The following FARS2 variants were observed in gnomAD, a reference collection of about 807,000 sequenced individuals.
FARS2 encodes the protein phenylalanine--tRNA ligase, mitochondrial.
FARS2 carries 40 observed loss-of-function variants against 46.4 expected under a neutral mutation model. The ratio of observed to expected loss-of-function variants is 0.86; its 90% CI spans 0.67 to 1.12. The LOEUF (loss-of-function observed/expected upper bound fraction) is 1.12, where lower values mean the gene tolerates loss of function less well. Ranked by LOEUF, FARS2 falls within the 50% of genes most tolerant of loss-of-function variation. The probability of loss-of-function intolerance (pLI) is 0.00; values close to 1 mark genes in which losing one functional copy is unlikely to be tolerated. For synonymous variants in FARS2, 234 were observed against 214.9 expected, an observed-to-expected ratio of 1.09 and a Z score of -0.78; for missense variants, 513 against 567.9, an observed-to-expected ratio of 0.90 and a Z score of 0.98.
At chr6:5,260,617 C>T (rs1765012849), upstream of FARS2, 1 of 1,491,592 alleles carries the variant, frequency 6.7e-7, no homozygotes, top group Non-Finnish European at 8.9e-7. Context: ...CCTGGCCCCC[C>T]GCCCCCGGCC....
chr6:5,493,463 G>C (rs571881871), intron 4 of FARS2, among the ~76,000 whole-genome samples: 1 of 152,162 alleles, frequency 6.6e-6, no homozygotes, highest in African/African-American at 2.4e-5. Flanking sequence ...AATGTCTTTT[G>C]ATGTGTGGCT....
At chr6:5,308,107 G>A (rs1196758937) in intron 1 of FARS2, among the ~76,000 whole-genome samples, 1 of 148,932 alleles carries the variant, frequency 6.7e-6, no homozygotes, top group African/African-American at 2.6e-5. Flanking sequence ...AAAATGGCTT[G>A]CTACAAAATT....
At chr6:5,308,933 G>A (rs949942338) in intron 1 of FARS2, among the ~76,000 whole-genome samples, 1 of 152,094 alleles carries the variant, frequency 6.6e-6, no homozygotes, top group Non-Finnish European at 1.5e-5. Context: ...TTATAGAAGA[G>A]GCAAGGGATC....
At chr6:5,538,175 T>A (rs1770341237) in intron 4 of FARS2, among the ~76,000 whole-genome samples, 2 of 151,450 alleles carry the variant, frequency 1.3e-5, no homozygotes, top group Admixed American at 6.6e-5. Context: ...AATACTGCCT[T>A]AAAACCCTGT....
chr6:5,267,775 CA>C (rs1470622893), intron 1 of FARS2, among the ~76,000 whole-genome samples: 15 of 151,358 alleles, frequency 9.9e-5, no homozygotes, highest in African/African-American at 3.7e-4. Context: ...AAAAAATCGC[CA>C]CACTGTCTTC....
At chr6:5,423,769 T>G (rs1762693964) in intron 3 of FARS2, among the ~76,000 whole-genome samples, 1 of 152,080 alleles carries the variant, frequency 6.6e-6, no homozygotes, top group African/African-American at 2.4e-5. Context: ...CCAGGGTACA[T>G]GGTTGTGTGG....
intron 6 of FARS2, among the ~76,000 whole-genome samples, chr6:5,644,532 T>C (rs1256617262): frequency 6.6e-6 from 1 of 152,102 alleles, no homozygotes; most frequent in African/African-American, 2.4e-5. Flanking sequence ...CTTTTAACCC[T>C]TGTTTTCAGA....
chr6:5,456,572 A>C (rs1764881320), intron 4 of FARS2, among the ~76,000 whole-genome samples: 1 of 151,784 alleles, frequency 6.6e-6, no homozygotes. Flanking sequence ...CCTCTACTAA[A>C]AGCACAAAAA....
intron 4 of FARS2, among the ~76,000 whole-genome samples, chr6:5,439,773 A>C (rs1477397462): frequency 1.3e-5 from 2 of 152,192 alleles, no homozygotes; most frequent in African/African-American, 4.8e-5. Context: ...TACATTTTTG[A>C]GGCCAGTTAG....
intron 2 of FARS2, among the ~76,000 whole-genome samples, chr6:5,381,398 CACACACAT>C (rs1416532293): frequency 0.036 from 4,849 of 133,186 alleles, 284 homozygotes; most frequent in African/African-American, 0.13. Context: ...CACACACACA[CACACACAT>C]ACACACACAC....
At chr6:5,326,811 A>AT (rs149288618) in intron 1 of FARS2, among the ~76,000 whole-genome samples, 3,573 of 151,746 alleles carry the variant, frequency 0.024, 147 homozygotes, top group African/African-American at 0.082. Context: ...TGTGCTGTGG[A>AT]TTTTTTTTTC....
chr6:5,545,133 CA>C lies in FARS2; in HGVS notation c.905-45del, dbSNP rs1463601782. The C allele has an allele frequency of 3.8e-6, 6 of 1,589,110 alleles. No individual in the cohort carries two copies. In the East Asian group the frequency reaches 1.3e-4, roughly 36 times the overall value. On this transcript the variant is annotated intron_variant, in intron 4 of 6. Transcript: ENST00000274680. Reference sequence around the variant, plus strand: ...TGTCAGGGAGTGGTATGAACCTATCCAATCTCGATACTTTTTAAAAACAACT... The same window carrying C: ...TGTCAGGGAGTGGTATGAACCTATCCATCTCGATACTTTTTAAAAACAACT...
chr6:5,434,852 A>T (rs1763431429), intron 4 of FARS2, among the ~76,000 whole-genome samples: 1 of 152,160 alleles, frequency 6.6e-6, no homozygotes, highest in Non-Finnish European at 1.5e-5. Context: ...AATATAATTG[A>T]TGACTCCCCT....
At chr6:5,579,120 G>T in intron 5 of FARS2, among the ~76,000 whole-genome samples, 1 of 152,310 alleles carries the variant, frequency 6.6e-6, no homozygotes, top group East Asian at 1.9e-4. Flanking sequence ...ATGTATTTAA[G>T]TGAGTATATT....
chr6:5,391,835 T>C (rs191808900), intron 2 of FARS2, among the ~76,000 whole-genome samples: 1 of 152,332 alleles, frequency 6.6e-6, no homozygotes, highest in Admixed American at 6.5e-5. Context: ...ACTTTTATTC[T>C]TAAATCTGAT....
At chr6:5,701,888 T>G (rs1170125128) in intron 6 of FARS2, among the ~76,000 whole-genome samples, 1 of 152,262 alleles carries the variant, frequency 6.6e-6, no homozygotes, top group Non-Finnish European at 1.5e-5. Context: ...ATTACTCATT[T>G]TTATTAACAT....
intron 4 of FARS2, among the ~76,000 whole-genome samples, chr6:5,453,433 C>CT (rs1349490182): frequency 6.6e-6 from 1 of 152,116 alleles, no homozygotes; most frequent in African/African-American, 2.4e-5. Flanking sequence ...CGTGCTCATC[C>CT]TTTTTCAGAG....
intron 5 of FARS2, among the ~76,000 whole-genome samples, chr6:5,560,299 A>T (rs545107430): frequency 6.6e-6 from 1 of 152,214 alleles, no homozygotes; most frequent in East Asian, 1.9e-4. Flanking sequence ...AAATTTATTA[A>T]ATCTGTCTAT....
chr6:5,268,866 T>A (rs1181828423), intron 1 of FARS2, among the ~76,000 whole-genome samples: 1 of 152,222 alleles, frequency 6.6e-6, no homozygotes, highest in African/African-American at 2.4e-5. Context: ...GTTTGTGTCC[T>A]CTTTTATTTC....
Sources: gnomAD v4.1 joint callset for allele counts (sites outside exome capture counted in the v4.1 genomes callset) on GRCh38, gnomAD v4.1.1 for gene constraint, MANE v1.5 for transcripts, NCBI Gene and HGNC (gene_info 2026-07-23, HGNC 2026-07-21) for gene names.